NCAM1: variants seen among roughly 807,000 people sequenced by gnomAD.
NCAM1 encodes the protein neural cell adhesion molecule 1.
In NCAM1, 14 loss-of-function variants were observed where a neutral mutation model predicts 109.8. That is an observed-to-expected ratio of 0.13 (90% confidence interval 0.08 to 0.20). The LOEUF is 0.20. NCAM1 is among the 10% of genes least tolerant of loss of function. The probability of loss-of-function intolerance (pLI) is 1.00; values close to 1 mark genes in which losing one functional copy is unlikely to be tolerated. For missense variants in NCAM1, 774 were observed against 1,109.9 expected (o/e 0.70, Z 4.30); for synonymous variants, 418 against 442.9 (o/e 0.94, Z 0.70).
At chr11:113,033,449 T>A (rs1184562447) in intron 1 of NCAM1, among the ~76,000 whole-genome samples, 2 of 152,174 alleles carry the variant, frequency 1.3e-5, no homozygotes, top group Non-Finnish European at 2.9e-5. Flanking sequence ...TGATGAAAGA[T>A]TAAGATGAAA....
intron 1 of NCAM1, among the ~76,000 whole-genome samples, chr11:113,044,641 C>T (rs537655827): frequency 1.3e-5 from 2 of 152,084 alleles, no homozygotes; most frequent in South Asian, 2.1e-4. Flanking sequence ...GCCACGATCG[C>T]GTCACTGCAC....
intron 1 of NCAM1, among the ~76,000 whole-genome samples, chr11:113,059,607 A>G (rs925445039): frequency 2.0e-5 from 3 of 152,146 alleles, no homozygotes; most frequent in African/African-American, 7.2e-5. Flanking sequence ...CACTTCTTAC[A>G]TGGCAGCTGG....
chr11:113,210,735 C>T (rs138342704), intron 7 of NCAM1, among the ~76,000 whole-genome samples: 1 of 150,750 alleles, frequency 6.6e-6, no homozygotes, highest in Non-Finnish European at 1.5e-5. Context: ...GATTTGTCTT[C>T]CCACCCACAC....
At chr11:113,025,608 TG>T (rs1475091303) in intron 1 of NCAM1, among the ~76,000 whole-genome samples, 1 of 150,292 alleles carries the variant, frequency 6.7e-6, no homozygotes, top group Non-Finnish European at 1.5e-5. Context: ...GAGAAGGGGG[TG>T]GGTGAACAAA....
At chr11:113,147,679 AC>A (rs1319007067) in intron 1 of NCAM1, among the ~76,000 whole-genome samples, 3 of 152,218 alleles carry the variant, frequency 2.0e-5, no homozygotes, top group African/African-American at 7.2e-5. Context: ...CTCTACAAAT[AC>A]GTAACACAGC....
intron 9 of NCAM1, among the ~76,000 whole-genome samples, chr11:113,228,401 A>G (rs374127395): frequency 3.9e-5 from 6 of 152,222 alleles, no homozygotes; most frequent in Non-Finnish European, 8.8e-5. Context: ...TCTTCAAGGA[A>G]AACTACAAAC....
At chr11:113,128,948 T>TGC (rs200677719) in intron 1 of NCAM1, among the ~76,000 whole-genome samples, 3,301 of 144,952 alleles carry the variant, frequency 0.023, 86 homozygotes, top group Non-Finnish European at 0.032. Flanking sequence ...TGTGTGTGTG[T>TGC]GCATGCGTGC....
At chr11:112,983,597 C>A (rs1345044105) in intron 1 of NCAM1, among the ~76,000 whole-genome samples, 1 of 151,792 alleles carries the variant, frequency 6.6e-6, no homozygotes, top group Non-Finnish European at 1.5e-5. Flanking sequence ...GAACTCAATT[C>A]TGTCTTTGGC....
chr11:113,079,325 G>C (rs1432734759), intron 1 of NCAM1, among the ~76,000 whole-genome samples: 1 of 152,174 alleles, frequency 6.6e-6, no homozygotes, highest in African/African-American at 2.4e-5. Flanking sequence ...CAGTCCACTG[G>C]TAAGTTGTAG....
At position 113,035,408 on chromosome 11, in the gene NCAM1, C is replaced by A. The variant is rs1555079015; in HGVS notation, c.52+73744C>A. On this transcript the variant is annotated intron_variant, in intron 1 of 19. Transcript: ENST00000316851. ...GATCCCTTATTGAATGGGTGAGTAA[C>A]TCTGCACATCTCACCACCCCTGAAG... Among the ~76,000 whole-genome samples the A allele has an allele frequency of 2.0e-5, 3 of 152,136 alleles. No individual in the cohort carries two copies. The East Asian group carries it at 5.8e-4, about 29-fold the overall frequency.
At chr11:113,185,068 T>TTTTATTTATATATATATATA in intron 1 of NCAM1, among the ~76,000 whole-genome samples, 1 of 99,638 alleles carries the variant, frequency 1.0e-5, no homozygotes, top group East Asian at 3.7e-4. Context: ...GCATTTATAT[T>TTTTATTTATATATATATATA]TATATATATA....
At chr11:113,249,858 C>T (rs1021568180) in intron 15 of NCAM1, among the ~76,000 whole-genome samples, 3 of 152,172 alleles carry the variant, frequency 2.0e-5, no homozygotes, top group Admixed American at 6.5e-5. Context: ...CATTTGCCAC[C>T]GTACCCCAAC....
At chr11:113,144,680 GGT>G (rs1234017422) in intron 1 of NCAM1, among the ~76,000 whole-genome samples, 4 of 152,192 alleles carry the variant, frequency 2.6e-5, no homozygotes, top group Non-Finnish European at 4.4e-5. Flanking sequence ...GTATTTTCTG[GGT>G]CAGCAGAATA....
chr11:113,063,363 T>G (rs1937771614), intron 1 of NCAM1, among the ~76,000 whole-genome samples: 1 of 152,220 alleles, frequency 6.6e-6, no homozygotes, highest in South Asian at 2.1e-4. Context: ...CTCTGCTCTC[T>G]GCCACTGCCT....
intron 1 of NCAM1, among the ~76,000 whole-genome samples, chr11:113,073,696 A>C (rs964457738): frequency 6.6e-6 from 1 of 152,322 alleles, no homozygotes; most frequent in African/African-American, 2.4e-5. Flanking sequence ...AACCTTTTAC[A>C]AAACCTTTAA....
intron 1 of NCAM1, among the ~76,000 whole-genome samples, chr11:113,132,604 A>ATGTGTGTGTGTGTGTGTGTG (rs71060290): frequency 3.1e-5 from 4 of 130,410 alleles, no homozygotes; most frequent in African/African-American, 1.2e-4. Flanking sequence ...ATTAGGAAGC[A>ATGTGTGTGTGTGTGTGTGTG]TGTGTGTGTG....
At chr11:113,153,493 T>C (rs1942308463) in intron 1 of NCAM1, among the ~76,000 whole-genome samples, 1 of 151,996 alleles carries the variant, frequency 6.6e-6, no homozygotes, top group Non-Finnish European at 1.5e-5. Flanking sequence ...TGTGTGTGTA[T>C]GTGGCAAACG....
rs572412159 is a variant in NCAM1, at chr11:113,113,388, C to A, written c.53-88991C>A. On this transcript the variant is annotated intron_variant, in intron 1 of 19. Transcript: ENST00000316851. ...TGTAAAGAAATAAGCAATGTCCTGC[C>A]CTATAGGAACTTGCCATTGTTCATT... Among the ~76,000 whole-genome samples, 50 of 152,170 alleles carry A rather than the reference C, an allele frequency of 3.3e-4. No individual in the cohort carries two copies. The South Asian group carries it at 1.0e-2, about 30-fold the overall frequency.
At chr11:113,270,461 G>A in intron 18 of NCAM1, 66 bp downstream of exon 18, 1 of 1,463,616 alleles carries the variant, frequency 6.8e-7, no homozygotes, top group Non-Finnish European at 9.5e-7. Context: ...CCCAGCAGCT[G>A]CACCACCCTG....
Sources: allele counts gnomAD v4.1 joint callset (sites outside exome capture counted in the v4.1 genomes callset), GRCh38; gene constraint gnomAD v4.1.1; transcripts MANE v1.5; gene names NCBI Gene and HGNC (gene_info 2026-07-23, HGNC 2026-07-21).